STX8: variants seen among roughly 807,000 people sequenced by gnomAD.
STX8 encodes syntaxin-8.
A neutral mutation model predicts 37.5 loss-of-function variants in STX8; 23 were observed. The observed-to-expected ratio is 0.61, with a 90% confidence interval of 0.44 to 0.87. The LOEUF (loss-of-function observed/expected upper bound fraction) is 0.87, where lower values mean the gene tolerates loss of function less well. Ranked by LOEUF, STX8 falls within the 40% of genes least tolerant of loss-of-function variation. STX8 has a pLI of 0.00. For missense variants in STX8, 313 were observed against 284.7 expected, an observed-to-expected ratio of 1.10 and a Z score of -0.71; for synonymous variants, 115 against 99.1, an observed-to-expected ratio of 1.16 and a Z score of -0.95.
At chr17:9,271,266 C>T (rs564703457) in intron 7 of STX8, among the ~76,000 whole-genome samples, 1 of 151,954 alleles carries the variant, frequency 6.6e-6, no homozygotes, top group South Asian at 2.1e-4. Context: ...CCAGCCTGGC[C>T]AACATGGTGA....
intron 6 of STX8, among the ~76,000 whole-genome samples, chr17:9,468,068 TAGAAA>T (rs1323767535): frequency 2.0e-5 from 3 of 152,194 alleles, no homozygotes; most frequent in African/African-American, 7.2e-5. Flanking sequence ...CAGCTATGGT[TAGAAA>T]TAGCGTAGAA....
chr17:9,420,833 C>G (rs928746992), intron 6 of STX8, among the ~76,000 whole-genome samples: 1 of 152,154 alleles, frequency 6.6e-6, no homozygotes, highest in Non-Finnish European at 1.5e-5. Context: ...CTCGTTTTAT[C>G]CAACCAGAAG....
intron 4 of STX8, among the ~76,000 whole-genome samples, chr17:9,538,462 G>T (rs1200558565): frequency 1.3e-5 from 2 of 152,118 alleles, no homozygotes; most frequent in Non-Finnish European, 2.9e-5. Context: ...TTTCAAATGG[G>T]GAGGAGCATT....
intron 6 of STX8, among the ~76,000 whole-genome samples, chr17:9,491,329 G>A (rs1220525512): frequency 1.3e-5 from 2 of 151,634 alleles, no homozygotes; most frequent in African/African-American, 2.4e-5. Flanking sequence ...ATGCCTACAC[G>A]TCTTAAACAC....
At chr17:9,460,006 C>T (rs909065914) in intron 6 of STX8, among the ~76,000 whole-genome samples, 17 of 152,254 alleles carry the variant, frequency 1.1e-4, no homozygotes, top group African/African-American at 2.4e-4. Flanking sequence ...TTGCAGAGGC[C>T]GAGCTCCAGC....
chr17:9,291,837 C>T (rs927286199), intron 7 of STX8, among the ~76,000 whole-genome samples: 1 of 152,166 alleles, frequency 6.6e-6, no homozygotes, highest in African/African-American at 2.4e-5. Context: ...AGTCCAAAGG[C>T]TCCGCTAGCC....
At chr17:9,296,699 GA>G (rs1253585760) in intron 7 of STX8, among the ~76,000 whole-genome samples, 1 of 151,520 alleles carries the variant, frequency 6.6e-6, no homozygotes, top group Admixed American at 6.6e-5. Context: ...GGATTAGCTG[GA>G]TTAGCTGTGT....
At chr17:9,440,396 C>T (rs8078435) in intron 6 of STX8, among the ~76,000 whole-genome samples, 7,592 of 152,218 alleles carry the variant, frequency 0.05, 583 homozygotes, top group African/African-American at 0.17. Flanking sequence ...AATGTGTCCC[C>T]TGCTTTTCAT....
At chr17:9,277,831 G>T (rs1379304525) in intron 7 of STX8, among the ~76,000 whole-genome samples, 1 of 152,086 alleles carries the variant, frequency 6.6e-6, no homozygotes, top group Non-Finnish European at 1.5e-5. Flanking sequence ...AACCCACTGT[G>T]GTTAGAACTG....
At chr17:9,260,469 C>CA (rs1906971769) in intron 7 of STX8, among the ~76,000 whole-genome samples, 3 of 152,028 alleles carry the variant, frequency 2.0e-5, no homozygotes, top group Non-Finnish European at 4.4e-5. Flanking sequence ...ACTAAAAATA[C>CA]AAAAATTAGC....
At chr17:9,361,270 G>A (rs779176049) in intron 7 of STX8, among the ~76,000 whole-genome samples, 19 of 152,190 alleles carry the variant, frequency 1.2e-4, no homozygotes, top group Non-Finnish European at 1.8e-4. Context: ...CAGGGCTTAT[G>A]CCACTGAATT....
chr17:9,333,433 G>C (rs1910024768), intron 7 of STX8, among the ~76,000 whole-genome samples: 1 of 152,168 alleles, frequency 6.6e-6, no homozygotes, highest in South Asian at 2.1e-4. Context: ...TGTCACCCAG[G>C]CTGGAGTGCA....
At chr17:9,250,705 A>G (rs1567754239) in intron 7 of STX8, 60 bp from the exon 8 acceptor site, 1 of 1,483,550 alleles carries the variant, frequency 6.7e-7, no homozygotes, top group East Asian at 2.4e-5. Context: ...AGCATCACAC[A>G]TTCTGAGTGT....
chr17:9,304,348 A>G (rs1445215635), intron 7 of STX8, among the ~76,000 whole-genome samples: 3 of 152,058 alleles, frequency 2.0e-5, no homozygotes, highest in Non-Finnish European at 2.9e-5. Context: ...CGTCTCTACA[A>G]AAAAATGAAA....
intron 7 of STX8, among the ~76,000 whole-genome samples, chr17:9,303,095 C>G (rs1658017487): frequency 6.6e-6 from 1 of 151,606 alleles, no homozygotes; most frequent in South Asian, 2.1e-4. Context: ...AGATCGAGAC[C>G]ATCCTGGCCA....
intron 6 of STX8, among the ~76,000 whole-genome samples, chr17:9,386,119 A>AAAAAAAAAAAAAAAAAAAAT (rs1912002199): frequency 6.9e-6 from 1 of 144,068 alleles, no homozygotes. Context: ...AAAAAAAAAA[A>AAAAAAAAAAAAAAAAAAAAT]AAAGCCTGTA....
At chr17:9,555,701 C>G (rs1326020934) in intron 3 of STX8, 2 of 152,126 alleles carry the variant, frequency 1.3e-5, no homozygotes, top group Non-Finnish European at 2.9e-5. Flanking sequence ...TCGAGACCAT[C>G]CTAGCTAACA....
chr17:9,271,804 G>A (rs947155144), intron 7 of STX8, among the ~76,000 whole-genome samples: 2 of 149,398 alleles, frequency 1.3e-5, no homozygotes, highest in Admixed American at 1.3e-4. Flanking sequence ...GTCCTACCTA[G>A]AAACCTGTTT....
chr17:9,266,994 C>G (rs1907254740), intron 7 of STX8, among the ~76,000 whole-genome samples: 1 of 152,198 alleles, frequency 6.6e-6, no homozygotes. Flanking sequence ...AAGTGGTCAA[C>G]ATTCCGCAGT....
Sources: allele counts gnomAD v4.1 joint callset (sites outside exome capture counted in the v4.1 genomes callset), GRCh38; gene constraint gnomAD v4.1.1; transcripts MANE v1.5; gene names NCBI Gene and HGNC (gene_info 2026-07-23, HGNC 2026-07-21).